MAN1A1: variants seen among roughly 807,000 people sequenced by gnomAD.
MAN1A1 encodes mannosidase alpha class 1A member 1.
Under a neutral mutation model 70.8 loss-of-function variants are expected in MAN1A1, and 29 were observed. That is an observed-to-expected ratio of 0.41 (90% CI 0.31 to 0.56). The LOEUF (loss-of-function observed/expected upper bound fraction) is 0.56, where lower values mean the gene tolerates loss of function less well. MAN1A1 is among the 20% of genes least tolerant of loss of function. The pLI, the probability that MAN1A1 is intolerant of heterozygous loss-of-function variation, is 0.29. For missense variants in MAN1A1, 747 were observed against 841.3 expected, an observed-to-expected ratio of 0.89 and a Z score of 1.39; for synonymous variants, 349 against 330.1, an observed-to-expected ratio of 1.06 and a Z score of -0.62.
At chr6:119,278,927 C>T (rs1776153005) in intron 5 of MAN1A1, among the ~76,000 whole-genome samples, 1 of 151,966 alleles carries the variant, frequency 6.6e-6, no homozygotes, top group African/African-American at 2.4e-5. Context: ...GATGCTGGAG[C>T]CTTGCTTATA....
chr6:119,281,051 C>A (rs1286482567), intron 5 of MAN1A1, among the ~76,000 whole-genome samples: 1 of 152,186 alleles, frequency 6.6e-6, no homozygotes, highest in South Asian at 2.1e-4. Flanking sequence ...GTCAACTTTA[C>A]TGTTTCAAAT....
chr6:119,348,708 T>C lies in MAN1A1; in HGVS notation c.358A>G (p.Asn120Asp). 1 of 1,605,030 alleles carries C rather than the reference T, an allele frequency of 6.2e-7. No homozygotes were observed. Among genetic ancestry groups the C allele is most frequent in the Non-Finnish European group, 8.5e-7 (1 of 1,176,424 alleles). Reference sequence around the variant, plus strand: ...TGGTTTTCGCGGATCCTGGCCAAGTTGTCCTCCAGGGCGGCCTCCGGGTCC... The same window carrying C: ...TGGTTTTCGCGGATCCTGGCCAAGTCGTCCTCCAGGGCGGCCTCCGGGTCC... ...PGDPEAALED[N>D]LARIRENHER... Residue 120 changes from asparagine (N) to aspartate (D), a missense_variant, in exon 2 of 13, where the codon AAC becomes GAC. Physicochemically the swap from Asn to Asp is conservative, Grantham distance 23. Coordinates refer to ENST00000368468, the MANE Select transcript of MAN1A1 (RefSeq NM_005907.4).
chr6:119,349,909 A>C, upstream of MAN1A1: 1 of 321,502 alleles, frequency 3.1e-6, no homozygotes, highest in Non-Finnish European at 4.5e-6. Context: ...CGGGGAGTTT[A>C]CGGGAAGCGC....
intron 6 of MAN1A1, 80 bp from the exon 7 acceptor site, chr6:119,204,962 A>G: frequency 6.8e-7 from 1 of 1,475,196 alleles, no homozygotes; most frequent in Non-Finnish European, 9.2e-7. Flanking sequence ...CATGAAATAG[A>G]CAGCTTTTAA....
intron 5 of MAN1A1, among the ~76,000 whole-genome samples, chr6:119,272,365 T>C (rs1016213315): frequency 6.6e-6 from 1 of 152,104 alleles, no homozygotes; most frequent in African/African-American, 2.4e-5. Flanking sequence ...CTTACTCCCT[T>C]CTTTCTCAAG....
At position 119,179,871 on chromosome 6, in the gene MAN1A1, A is replaced by C; in HGVS notation, c.1910T>G (p.Leu637Arg). 6.2e-7 allele frequency: 1 copy of C among 1,612,732 alleles called. No individual in the cohort carries two copies. The highest frequency in any genetic ancestry group is 8.5e-7 in the Non-Finnish European group (1 of 1,178,766). The change falls in exon 13 of 13, where the codon CTT becomes CGT. Residue 637 changes from leucine to arginine, a missense_variant. Around this residue, in one of 2 missense-constraint regions of MAN1A1, gnomAD observed 419 missense variants for 548.2 expected, o/e 0.76. Coordinates refer to ENST00000368468, the MANE Select transcript of MAN1A1 (RefSeq NM_005907.4). ...EHWIFNSEAH[L>R]LPILPKDKKE... ...TTTATCTTTAGGGAGGATAGGGAGA[A>C]GATGTGCCTCGCTATTGAAGATCCA...
At chr6:119,196,695 AC>A (rs1378159388) in intron 8 of MAN1A1, among the ~76,000 whole-genome samples, 3 of 152,244 alleles carry the variant, frequency 2.0e-5, no homozygotes, top group South Asian at 2.1e-4. Context: ...AAGAATCAAG[AC>A]AAAGAAGAAT....
At chr6:119,286,753 C>T (rs1356424458) in intron 5 of MAN1A1, among the ~76,000 whole-genome samples, 1 of 151,972 alleles carries the variant, frequency 6.6e-6, no homozygotes, top group Non-Finnish European at 1.5e-5. Flanking sequence ...AGAATATTTT[C>T]TTTGAGGATT....
chr6:119,267,106 T>C (rs934683270), intron 5 of MAN1A1, among the ~76,000 whole-genome samples: 1 of 152,186 alleles, frequency 6.6e-6, no homozygotes, highest in South Asian at 2.1e-4. Context: ...GGTGAGGGTG[T>C]GAAACAACGG....
At chr6:119,192,263 T>C (rs1214484325) in intron 9 of MAN1A1, among the ~76,000 whole-genome samples, 1 of 152,162 alleles carries the variant, frequency 6.6e-6, no homozygotes, top group Non-Finnish European at 1.5e-5. Context: ...CTATAAAATA[T>C]GGAGAACTCC....
intron 6 of MAN1A1, among the ~76,000 whole-genome samples, chr6:119,228,277 A>G (rs1774575560): frequency 6.6e-6 from 1 of 152,174 alleles, no homozygotes; most frequent in African/African-American, 2.4e-5. Flanking sequence ...GATTAACTTC[A>G]CTCCAACCCT....
At chr6:119,310,978 A>G (rs554586065) in intron 2 of MAN1A1, among the ~76,000 whole-genome samples, 1 of 152,284 alleles carries the variant, frequency 6.6e-6, no homozygotes, top group East Asian at 1.9e-4. Flanking sequence ...AAGGCGTAAA[A>G]GCGGGTCACG....
intron 6 of MAN1A1, among the ~76,000 whole-genome samples, chr6:119,237,184 CA>C (rs564080930): frequency 8.5e-4 from 129 of 152,234 alleles, no homozygotes; most frequent in Middle Eastern, 3.4e-3. Context: ...GTTGAAATGA[CA>C]ACAAAGGATT....
intron 6 of MAN1A1, among the ~76,000 whole-genome samples, chr6:119,232,797 C>T (rs1318856542): frequency 6.6e-6 from 1 of 151,568 alleles, no homozygotes; most frequent in Admixed American, 6.6e-5. Flanking sequence ...CTGCCTATAG[C>T]TTCTAAATTC....
At chr6:119,316,582 GTTTT>G (rs903599161) in intron 2 of MAN1A1, among the ~76,000 whole-genome samples, 1 of 151,498 alleles carries the variant, frequency 6.6e-6, no homozygotes, top group Admixed American at 6.6e-5. Flanking sequence ...AATCTCAAAA[GTTTT>G]TTTTTAATAC....
intron 2 of MAN1A1, among the ~76,000 whole-genome samples, chr6:119,333,351 GT>G (rs974087479): frequency 4.6e-5 from 7 of 152,168 alleles, no homozygotes; most frequent in African/African-American, 1.7e-4. Flanking sequence ...ACCTCTCAAG[GT>G]TCCAGGAAGC....
At chr6:119,239,503 T>C (rs1284605984) in intron 6 of MAN1A1, among the ~76,000 whole-genome samples, 6 of 152,226 alleles carry the variant, frequency 3.9e-5, no homozygotes, top group Admixed American at 3.9e-4. Flanking sequence ...TTTAAAACTA[T>C]TGGCTGTAGC....
At chr6:119,289,580 G>A (rs984931062) in intron 5 of MAN1A1, among the ~76,000 whole-genome samples, 1 of 151,842 alleles carries the variant, frequency 6.6e-6, no homozygotes, top group Non-Finnish European at 1.5e-5. Flanking sequence ...CATTACCCTG[G>A]CTGAGAAGGT....
intron 5 of MAN1A1, among the ~76,000 whole-genome samples, chr6:119,257,697 T>C (rs1582741864): frequency 6.6e-6 from 1 of 152,064 alleles, no homozygotes; most frequent in African/African-American, 2.4e-5. Flanking sequence ...GCATTCAATA[T>C]GGAAGTTAAA....
Sources: allele counts gnomAD v4.1 joint callset (sites outside exome capture counted in the v4.1 genomes callset), GRCh38; gene constraint gnomAD v4.1.1; regional missense constraint gnomAD v4.1.1; transcripts MANE v1.5; gene names NCBI Gene and HGNC (gene_info 2026-07-23, HGNC 2026-07-21).